Variants in CTNND2 observed in about 807,000 individuals in gnomAD.
CTNND2 encodes catenin delta 2, also known as catenin delta-2.
In CTNND2, 22 loss-of-function variants were observed where a neutral mutation model predicts 144.4. That is an observed-to-expected ratio of 0.15 (90% CI 0.11 to 0.22). CTNND2 has a LOEUF of 0.22. Among genes scored for constraint, CTNND2 ranks in the 10% least tolerant of loss-of-function variants. The probability of loss-of-function intolerance (pLI) is 1.00; values close to 1 mark genes in which losing one functional copy is unlikely to be tolerated. For synonymous variants in CTNND2, 751 were observed against 695.6 expected (o/e 1.08, Z -1.25); for missense variants, 1,353 against 1,618.8 (o/e 0.84, Z 2.82).
intron 9 of CTNND2, among the ~76,000 whole-genome samples, chr5:11,258,370 A>G (rs553383254): frequency 1.3e-5 from 2 of 152,256 alleles, no homozygotes; most frequent in African/African-American, 4.8e-5. Context: ...CCATCTGGTC[A>G]TCTAAAAATC....
chr5:11,870,490 C>T (rs1735010542), intron 1 of CTNND2, among the ~76,000 whole-genome samples: 1 of 152,210 alleles, frequency 6.6e-6, no homozygotes, highest in African/African-American at 2.4e-5. Flanking sequence ...GATGAATTTG[C>T]TTACAAAGAA....
chr5:11,737,147 T>A (rs1034094849), intron 1 of CTNND2, among the ~76,000 whole-genome samples: 1 of 152,184 alleles, frequency 6.6e-6, no homozygotes, highest in African/African-American at 2.4e-5. Flanking sequence ...TGTTAGCCAG[T>A]CCTGCTGCCA....
chr5:11,234,920 G>A (rs1220443719), intron 10 of CTNND2, among the ~76,000 whole-genome samples: 1 of 152,196 alleles, frequency 6.6e-6, no homozygotes, highest in Non-Finnish European at 1.5e-5. Context: ...CAGTCTGCAT[G>A]TGAGAACCCA....
chr5:11,361,962 A>T (rs940766421), intron 8 of CTNND2, among the ~76,000 whole-genome samples: 2 of 152,190 alleles, frequency 1.3e-5, no homozygotes, highest in Admixed American at 6.5e-5. Flanking sequence ...CTGGTGGTCT[A>T]TTCTTAAGGG....
chr5:11,441,411 C>T (rs1764249924), intron 3 of CTNND2, among the ~76,000 whole-genome samples: 1 of 117,388 alleles, frequency 8.5e-6, no homozygotes, highest in East Asian at 2.7e-4. Context: ...CAGATTCTCA[C>T]TTTGTTGCCC....
At chr5:11,686,157 G>T (rs1184075470) in intron 2 of CTNND2, among the ~76,000 whole-genome samples, 1 of 151,528 alleles carries the variant, frequency 6.6e-6, no homozygotes, top group Non-Finnish European at 1.5e-5. Flanking sequence ...AGTGAACCAA[G>T]ATCGTGCCAC....
chr5:11,800,001 T>G (rs1216705029), intron 1 of CTNND2, among the ~76,000 whole-genome samples: 1 of 152,196 alleles, frequency 6.6e-6, no homozygotes, highest in Non-Finnish European at 1.5e-5. Context: ...TTGGACTAGC[T>G]GCCCATTTAG....
intron 1 of CTNND2, among the ~76,000 whole-genome samples, chr5:11,782,373 TTAC>T (rs1790587214): frequency 6.7e-6 from 1 of 149,114 alleles, no homozygotes; most frequent in Non-Finnish European, 1.5e-5. Context: ...TTTTGTAAAC[TTAC>T]TACGTTTGAA....
intron 18 of CTNND2, among the ~76,000 whole-genome samples, chr5:11,017,661 C>G (rs973901487): frequency 3.4e-5 from 5 of 145,438 alleles, no homozygotes; most frequent in Admixed American, 2.7e-4. Context: ...TTTTTTTTTC[C>G]CCAAAATCCC....
intron 2 of CTNND2, among the ~76,000 whole-genome samples, chr5:11,662,149 A>ATATATGTG (rs1561668737): frequency 4.3e-5 from 5 of 116,506 alleles, no homozygotes; most frequent in African/African-American, 2.2e-4. Flanking sequence ...ATATATACAC[A>ATATATGTG]TATATATGTG....
At chr5:10,977,092 A>G (rs1736586594) in intron 21 of CTNND2, among the ~76,000 whole-genome samples, 1 of 152,164 alleles carries the variant, frequency 6.6e-6, no homozygotes, top group African/African-American at 2.4e-5. Flanking sequence ...CCATTGGCAC[A>G]GAGGTAAAAA....
intron 3 of CTNND2, among the ~76,000 whole-genome samples, chr5:11,448,370 T>G (rs61753757): frequency 6.6e-6 from 1 of 152,118 alleles, no homozygotes; most frequent in Admixed American, 6.5e-5. Flanking sequence ...AGAAAAAAAA[T>G]TTCAGTAGCC....
rs568365904 is a variant in CTNND2, at chr5:11,343,590, C to A, written c.1628+2782G>T. ...TGTAAAGAAATAAAAATGTTCGTGC[C>A]AACATGTGCTGCAGTATGGATTCAA... On this transcript the variant is annotated intron_variant, in intron 9 of 21. Coordinates refer to ENST00000304623, the MANE Select transcript of CTNND2 (RefSeq NM_001332.4). Among the ~76,000 whole-genome samples, 3 of 152,118 alleles carry A rather than the reference C, an allele frequency of 2.0e-5. No individual in the cohort carries two copies. In the South Asian group the frequency reaches 6.2e-4, roughly 32 times the overall value.
At chr5:11,766,077 A>T (rs4339353) in intron 1 of CTNND2, among the ~76,000 whole-genome samples, 127,163 of 152,172 alleles carry the variant, frequency 0.84, 56,435 homozygotes, top group Non-Finnish European at 0.98. Flanking sequence ...CTTCTGTAAT[A>T]AGGGCTCATG....
rs1231331269 is a variant in CTNND2, at chr5:10,972,122, T to C, written c.*1331A>G. 6.5e-6 allele frequency: 1 copy of C among 152,678 alleles called. No individual in the cohort carries two copies. The highest frequency in any genetic ancestry group is 1.5e-5 in the Non-Finnish European group (1 of 68,054). 9.5% of individuals were successfully genotyped at this position (152,678 alleles called of 1,614,324 possible). A position where few individuals can be genotyped will look rare whatever the true frequency, so the allele number is the denominator to read the frequency against. ...TTACATTTTCTGTGGATACTTCAAGTAATTGGCCCCAAAGTGAAACTGAAT... is the reference window on the plus strand; with the variant it reads ...TTACATTTTCTGTGGATACTTCAAGCAATTGGCCCCAAAGTGAAACTGAAT... On this transcript the variant is annotated 3_prime_UTR_variant, in exon 22 of 22. Coordinates refer to ENST00000304623, the MANE Select transcript of CTNND2 (RefSeq NM_001332.4).
At chr5:11,886,713 G>C (rs1736562044) in intron 1 of CTNND2, among the ~76,000 whole-genome samples, 1 of 152,110 alleles carries the variant, frequency 6.6e-6, no homozygotes, top group South Asian at 2.1e-4. Context: ...GGGCTGGTGA[G>C]GGGGCATTAA....
At position 11,022,886 on chromosome 5, in the gene CTNND2, G is replaced by A; in HGVS notation, c.2882C>T (p.Thr961Ile). Residue 961 changes from threonine to isoleucine, a missense_variant, in exon 17 of 22, where the codon ACA becomes ATA. Thr to Ile is a moderately conservative substitution (Grantham distance 89). This residue lies in a region of CTNND2 where 459 missense variants were observed against 674.3 expected (regional missense o/e 0.68). Coordinates refer to ENST00000304623, the MANE Select transcript of CTNND2 (RefSeq NM_001332.4). ...ASKAMSDDTV[T>I]AVCCTLHEVI... ...TTCGTGCAGTGTGCAGCAGACAGCT[G>A]TCACTGTGTCATCCGACATGGCCTT... 6.2e-7 allele frequency: 1 copy of A among 1,614,182 alleles called. No individual in the cohort carries two copies. Among genetic ancestry groups the A allele is most frequent in the Non-Finnish European group, 8.5e-7 (1 of 1,179,980 alleles).
intron 9 of CTNND2, among the ~76,000 whole-genome samples, chr5:11,305,977 T>G (rs1378451609): frequency 6.6e-6 from 1 of 152,210 alleles, no homozygotes; most frequent in Admixed American, 6.5e-5. Context: ...GAAACAGTGA[T>G]GGGACATGAG....
At chr5:11,411,799 C>T (rs1273306875) in intron 4 of CTNND2, 147 bp from the exon 5 acceptor site, 2 of 707,746 alleles carry the variant, frequency 2.8e-6, no homozygotes, top group African/African-American at 1.8e-5. Flanking sequence ...AATTTTTGGT[C>T]AACCAACATT....
Sources: gnomAD v4.1 joint callset for allele counts (sites outside exome capture counted in the v4.1 genomes callset) on GRCh38, gnomAD v4.1.1 for gene constraint, gnomAD v4.1.1 regional missense constraint, MANE v1.5 for transcripts, NCBI Gene and HGNC (gene_info 2026-07-23, HGNC 2026-07-21) for gene names.